ATXN1: variants seen among roughly 807,000 people sequenced by gnomAD.
ATXN1 encodes the protein ataxin 1.
Under a neutral mutation model 56.4 loss-of-function variants are expected in ATXN1, and 8 were observed. The ratio of observed to expected loss-of-function variants is 0.14; its 90% CI spans 0.08 to 0.26. The LOEUF is 0.26. Ranked by LOEUF, ATXN1 falls within the 10% of genes least tolerant of loss-of-function variation. The pLI is 1.00. For missense variants in ATXN1, 987 were observed against 1,106.5 expected (o/e 0.89, Z 1.53); for synonymous variants, 514 against 494.6 (o/e 1.04, Z -0.52).
chr6:16,344,878 T>A (rs1008292225), intron 6 of ATXN1, among the ~76,000 whole-genome samples: 1 of 152,226 alleles, frequency 6.6e-6, no homozygotes, highest in Non-Finnish European at 1.5e-5. Flanking sequence ...GCTACTTCCT[T>A]AGGCAATCAT....
intron 6 of ATXN1, among the ~76,000 whole-genome samples, chr6:16,388,193 G>A (rs1416728067): frequency 2.0e-5 from 3 of 152,162 alleles, no homozygotes; most frequent in Non-Finnish European, 4.4e-5. Context: ...CTGCAGTCAC[G>A]GTGAAAGGGG....
chr6:16,532,779 T>C (rs905230210), intron 4 of ATXN1, among the ~76,000 whole-genome samples: 1 of 152,182 alleles, frequency 6.6e-6, no homozygotes, highest in Non-Finnish European at 1.5e-5. Context: ...TCTGTGTACA[T>C]TACTGATAGA....
rs572808126 is a variant in ATXN1 at position 16,581,483 on chromosome 6, A to C, written c.-361+4297T>G. Among the ~76,000 whole-genome samples the C allele has an allele frequency of 2.5e-4, 38 of 152,190 alleles. No individual in the cohort carries two copies. The South Asian group carries it at 7.5e-3, about 30-fold the overall frequency. On this transcript the variant is annotated intron_variant, in intron 4 of 7. Coordinates refer to ENST00000436367, the MANE Select transcript of ATXN1 (RefSeq NM_001128164.2). The stretch of plus-strand genomic sequence containing the variant: ...GGTCAAGGCCTAAGGAGATAAAAGA[A>C]ATCTCTGAGCAGAGCCTGTTATTTA...
chr6:16,728,268 C>T (rs925647248), intron 2 of ATXN1, among the ~76,000 whole-genome samples: 1 of 152,184 alleles, frequency 6.6e-6, no homozygotes, highest in Admixed American at 6.5e-5. Flanking sequence ...AAGCTGTGCG[C>T]ACAGGGCAGT....
At chr6:16,445,093 G>A (rs945916718) in intron 6 of ATXN1, among the ~76,000 whole-genome samples, 9 of 152,080 alleles carry the variant, frequency 5.9e-5, no homozygotes, top group African/African-American at 1.4e-4. Context: ...TTAGGAGACC[G>A]AAATGACCTT....
chr6:16,440,649 A>AAAAAAAAAAAG lies in ATXN1; in HGVS notation c.-161+45322_-161+45323insCTTTTTTTTTT, dbSNP rs56105499. ...GAGTGAGACCCTGTCTTAAAAAAAA[A>AAAAAAAAAAAG]AAAGAAAAGAAAAGAAAAAATTAAA... On this transcript the variant is annotated intron_variant, in intron 6 of 7. Coordinates refer to ENST00000436367, the MANE Select transcript of ATXN1 (RefSeq NM_001128164.2). Among the ~76,000 whole-genome samples the AAAAAAAAAAAG allele has an allele frequency of 4.4e-5, 5 of 113,660 alleles. 1 individual carries two copies. The highest frequency in any genetic ancestry group is 1.1e-4 in the African/African-American group (3 of 27,204). 74.6% of individuals were successfully genotyped at this position (113,660 alleles called of 152,430 possible). A position where few individuals can be genotyped will look rare whatever the true frequency, so the allele number is the denominator to read the frequency against.
chr6:16,566,858 AAAC>A (rs150789955), intron 4 of ATXN1, among the ~76,000 whole-genome samples: 118,576 of 150,646 alleles, frequency 0.79, 46,817 homozygotes, highest in East Asian at 0.99. Context: ...TCCGTCTCAA[AAAC>A]AACAACAACA....
At chr6:16,452,750 T>G (rs2113614429) in intron 6 of ATXN1, among the ~76,000 whole-genome samples, 1 of 152,372 alleles carries the variant, frequency 6.6e-6, no homozygotes, top group African/African-American at 2.4e-5. Context: ...TCTTGTCTCA[T>G]TCCACCACAA....
chr6:16,713,909 G>A (rs1433272147), intron 2 of ATXN1, among the ~76,000 whole-genome samples: 1 of 152,172 alleles, frequency 6.6e-6, no homozygotes. Context: ...TATAATCCCA[G>A]TACTTTGGGA....
intron 7 of ATXN1, among the ~76,000 whole-genome samples, chr6:16,320,151 G>A (rs1055261718): frequency 2.6e-5 from 4 of 152,066 alleles, no homozygotes; most frequent in South Asian, 2.1e-4. Flanking sequence ...TGAGGGCCTC[G>A]GCTATTTTTA....
intron 3 of ATXN1, among the ~76,000 whole-genome samples, chr6:16,586,844 C>T (rs960639221): frequency 1.3e-5 from 2 of 152,202 alleles, no homozygotes; most frequent in Admixed American, 6.5e-5. Flanking sequence ...CATGGTGTAA[C>T]CCCATCTCTA....
chr6:16,704,180 T>C (rs1759355295), intron 2 of ATXN1, among the ~76,000 whole-genome samples: 1 of 152,206 alleles, frequency 6.6e-6, no homozygotes, highest in South Asian at 2.1e-4. Flanking sequence ...GAGTTAAAAA[T>C]AAAAAACATG....
chr6:16,352,398 T>C (rs1345102619), intron 6 of ATXN1, among the ~76,000 whole-genome samples: 1 of 152,168 alleles, frequency 6.6e-6, no homozygotes, highest in Non-Finnish European at 1.5e-5. Flanking sequence ...TGGGTGGGTT[T>C]TGTTTTCTTT....
intron 6 of ATXN1, among the ~76,000 whole-genome samples, chr6:16,395,882 G>C (rs1477358190): frequency 6.6e-6 from 1 of 152,028 alleles, no homozygotes; most frequent in Non-Finnish European, 1.5e-5. Flanking sequence ...GGGCATAGTG[G>C]CACGTGCCTG....
At chr6:16,432,794 A>G (rs1759313122) in intron 6 of ATXN1, 1 of 151,956 alleles carries the variant, frequency 6.6e-6, no homozygotes, top group South Asian at 2.1e-4. Context: ...GCCACTGAGT[A>G]CACATTTTAC....
intron 7 of ATXN1, among the ~76,000 whole-genome samples, chr6:16,317,723 A>C (rs1581685108): frequency 6.8e-6 from 1 of 146,270 alleles, no homozygotes. Context: ...ACCGCCTCCC[A>C]CCCTCCTCCA....
rs552458554 is a variant in ATXN1, at chr6:16,717,820, G to A, written c.-615+35413C>T. ...AAAGCAGGGGCAGAAGGCGGCGATC[G>A]TATGCAGATCCAGCCAGCCCTCGCT... On this transcript the variant is annotated intron_variant, in intron 2 of 7. Coordinates refer to ENST00000436367, the MANE Select transcript of ATXN1 (RefSeq NM_001128164.2). Among the ~76,000 whole-genome samples the A allele has an allele frequency of 3.3e-5, 5 of 152,306 alleles. No homozygotes were observed. The East Asian group carries it at 5.8e-4, about 18-fold the overall frequency.
At position 16,328,366 on chromosome 6, in the gene ATXN1, T is replaced by C. The variant is rs1760899622; in HGVS notation, c.-56A>G. The C allele has an allele frequency of 1.4e-6, 2 of 1,457,664 alleles. No individual in the cohort carries two copies. The highest frequency in any genetic ancestry group is 2.4e-5 in the Admixed American group (1 of 41,486). The allele number at this position is 1,457,664 out of a possible 1,614,324, so 90.3% of individuals were successfully genotyped here. On this transcript the variant is annotated 5_prime_UTR_variant, in exon 7 of 8. An upstream open reading frame in the 5' UTR loses its in-frame stop. Coordinates refer to ENST00000436367, the MANE Select transcript of ATXN1 (RefSeq NM_001128164.2). This position sits in a 1 kb window ranked among gnomAD's most constrained non-coding sequence, Gnocchi z 6.2. ...TTCACTGTCTGGATGGCTCTGATTTTAGTCTGATAAACGGAAAGTCACATT... is the reference window on the plus strand; with the variant it reads ...TTCACTGTCTGGATGGCTCTGATTTCAGTCTGATAAACGGAAAGTCACATT...
chr6:16,709,025 C>CAAAA (rs34066790), intron 2 of ATXN1, among the ~76,000 whole-genome samples: 1 of 120,992 alleles, frequency 8.3e-6, no homozygotes, highest in Non-Finnish European at 1.8e-5. Context: ...AACTCTGTCT[C>CAAAA]AAAAAAAAAA....
Sources: gnomAD v4.1 joint callset for allele counts (sites outside exome capture counted in the v4.1 genomes callset) on GRCh38, gnomAD v4.1.1 for gene constraint, Gnocchi (gnomAD v3.1) non-coding constraint, MANE v1.5 for transcripts, NCBI Gene and HGNC (gene_info 2026-07-23, HGNC 2026-07-21) for gene names.